The following SGCG variants were observed in gnomAD, a reference collection of about 807,000 sequenced individuals.
SGCG encodes sarcoglycan gamma, also known as gamma-sarcoglycan.
In SGCG, 26 loss-of-function variants were observed where a neutral mutation model predicts 29.3. The ratio of observed to expected loss-of-function variants is 0.89; its 90% confidence interval spans 0.65 to 1.23. The LOEUF is 1.23. SGCG is among the 50% of genes most tolerant of loss of function. The pLI, the probability that SGCG is intolerant of heterozygous loss-of-function variation, is 0.00. For synonymous variants in SGCG, 145 were observed against 129.7 expected (o/e 1.12, Z -0.80); for missense variants, 353 against 356.0 (o/e 0.99, Z 0.07).
chr13:23,307,985 A>G (rs1042946570), intron 6 of SGCG, among the ~76,000 whole-genome samples: 5 of 151,936 alleles, frequency 3.3e-5, no homozygotes, highest in Non-Finnish European at 7.3e-5. Context: ...TATAAATGTC[A>G]ACATTACACC....
chr13:23,199,853 G>A (rs1877667904), intron 1 of SGCG, among the ~76,000 whole-genome samples: 1 of 152,164 alleles, frequency 6.6e-6, no homozygotes, highest in Non-Finnish European at 1.5e-5. Flanking sequence ...GGGATGTGGG[G>A]TCCAGCTTCT....
the SGCG span, among the ~76,000 whole-genome samples, chr13:23,173,948 T>C: frequency 6.6e-6 from 1 of 152,194 alleles, no homozygotes; most frequent in African/African-American, 2.4e-5. Context: ...GAACTCTTAA[T>C]GATAGATGTC....
chr13:23,251,943 A>G (rs1276937989), intron 4 of SGCG, among the ~76,000 whole-genome samples: 1 of 152,148 alleles, frequency 6.6e-6, no homozygotes, highest in Non-Finnish European at 1.5e-5. Flanking sequence ...CTACAGCCTT[A>G]TGTTAATCTG....
chr13:23,278,653 A>C (rs910780025), intron 4 of SGCG, among the ~76,000 whole-genome samples: 2 of 152,092 alleles, frequency 1.3e-5, no homozygotes, highest in Non-Finnish European at 2.9e-5. Flanking sequence ...GTGTGACCTC[A>C]CCCTCACATG....
intron 1 of SGCG, among the ~76,000 whole-genome samples, chr13:23,185,375 A>G (rs1330149347): frequency 1.3e-5 from 2 of 152,162 alleles, no homozygotes; most frequent in African/African-American, 4.8e-5. Context: ...TATTTTTAGT[A>G]GAGACAGGGT....
chr13:23,217,400 A>C (rs1205726163), intron 2 of SGCG: 1 of 152,028 alleles, frequency 6.6e-6, no homozygotes, highest in Non-Finnish European at 1.5e-5. Context: ...TTGCCTTTAC[A>C]GTCTATTATG....
intron 2 of SGCG, among the ~76,000 whole-genome samples, chr13:23,204,604 CT>C (rs1565998734): frequency 3.5e-4 from 30 of 86,080 alleles, no homozygotes; most frequent in Non-Finnish European, 3.9e-4. Context: ...TCTTTTCTTT[CT>C]TTTCTTTCTT....
chr13:23,163,187 G>A, the SGCG span, among the ~76,000 whole-genome samples: 1 of 152,106 alleles, frequency 6.6e-6, no homozygotes, highest in African/African-American at 2.4e-5. Context: ...AAGTAAACTA[G>A]CATATACATT....
chr13:23,166,267 C>T, the SGCG span, among the ~76,000 whole-genome samples: 1 of 152,142 alleles, frequency 6.6e-6, no homozygotes, highest in Admixed American at 6.5e-5. Flanking sequence ...AGAGTCTCGG[C>T]TCACTGCAAC....
chr13:23,257,012 C>A (rs1379451590), intron 4 of SGCG, among the ~76,000 whole-genome samples: 1 of 152,178 alleles, frequency 6.6e-6, no homozygotes, highest in African/African-American at 2.4e-5. Flanking sequence ...AAAAGCATTC[C>A]TATTTCTCCA....
At position 23,324,365 on chromosome 13, in the gene SGCG, C is replaced by A; in HGVS notation, c.703-3C>A. Reference sequence around the variant, plus strand: ...TCTTCGTCTCTCATCTTCTCCCAACCAGCTTGTGCTTGATGCTGAAACTGT... The same window carrying A: ...TCTTCGTCTCTCATCTTCTCCCAACAAGCTTGTGCTTGATGCTGAAACTGT... On this transcript the variant is annotated splice_region_variant and splice_polypyrimidine_tract_variant and intron_variant, in intron 7 of 7. Transcript: ENST00000218867. 6.2e-7 allele frequency: 1 copy of A among 1,614,104 alleles called. No individual in the cohort carries two copies.
At chr13:23,285,667 T>A (rs1218105930) in intron 5 of SGCG, among the ~76,000 whole-genome samples, 13 of 152,154 alleles carry the variant, frequency 8.5e-5, no homozygotes, top group African/African-American at 2.9e-4. Context: ...GAAAAAAAAC[T>A]CCTGCAGCTA....
At chr13:23,308,478 G>A (rs1287804227) in intron 6 of SGCG, among the ~76,000 whole-genome samples, 1 of 152,070 alleles carries the variant, frequency 6.6e-6, no homozygotes, top group Admixed American at 6.6e-5. Flanking sequence ...CCTAATAGCT[G>A]TACAATGCAT....
At chr13:23,305,196 AG>A (rs1156864371) in intron 6 of SGCG, among the ~76,000 whole-genome samples, 3 of 152,236 alleles carry the variant, frequency 2.0e-5, no homozygotes, top group African/African-American at 4.8e-5. Context: ...ACCCAAGAAC[AG>A]GGGGTGTCTT....
At chr13:23,272,391 T>C (rs1880906160) in intron 4 of SGCG, among the ~76,000 whole-genome samples, 2 of 152,214 alleles carry the variant, frequency 1.3e-5, no homozygotes, top group African/African-American at 4.8e-5. Flanking sequence ...CAAATACTTT[T>C]TCAGCATCTA....
intron 6 of SGCG, among the ~76,000 whole-genome samples, chr13:23,312,801 G>T (rs1448070792): frequency 1.6e-5 from 2 of 122,638 alleles, no homozygotes; most frequent in African/African-American, 5.7e-5. Context: ...ATATTAAATT[G>T]TTTTTCCAAA....
intron 4 of SGCG, among the ~76,000 whole-genome samples, chr13:23,251,539 T>C (rs1879968513): frequency 6.6e-6 from 1 of 152,234 alleles, no homozygotes; most frequent in Non-Finnish European, 1.5e-5. Flanking sequence ...TCCCAGCACT[T>C]TGGGAGGCCA....
intron 5 of SGCG, among the ~76,000 whole-genome samples, chr13:23,281,115 G>A (rs1004074002): frequency 1.6e-4 from 25 of 151,994 alleles, no homozygotes; most frequent in East Asian, 7.8e-4. Context: ...TGGATGGATC[G>A]CTTGAGCTCA....
chr13:23,166,890 G>A, the SGCG span, among the ~76,000 whole-genome samples: 12 of 152,208 alleles, frequency 7.9e-5, no homozygotes, highest in African/African-American at 2.9e-4. Context: ...CATCCCTCAG[G>A]CATTTATCCC....
Sources: allele counts gnomAD v4.1 joint callset (sites outside exome capture counted in the v4.1 genomes callset), GRCh38; gene constraint gnomAD v4.1.1; transcripts MANE v1.5; gene names NCBI Gene and HGNC (gene_info 2026-07-23, HGNC 2026-07-21).